MMP16: variants seen among roughly 807,000 people sequenced by gnomAD.
The protein encoded by MMP16 is matrix metallopeptidase 16.
In MMP16, 12 loss-of-function variants were observed where a neutral mutation model predicts 67.8. The observed-to-expected ratio is 0.18, with a 90% CI of 0.11 to 0.29. The LOEUF (loss-of-function observed/expected upper bound fraction) is 0.29, where lower values mean the gene tolerates loss of function less well. Ranked by LOEUF, MMP16 falls within the 10% of genes least tolerant of loss-of-function variation. MMP16 has a pLI of 1.00. For synonymous variants in MMP16, 249 were observed against 255.9 expected (o/e 0.97, Z 0.26); for missense variants, 475 against 765.7 (o/e 0.62, Z 4.48).
rs1299585852 is a variant in MMP16 at position 88,035,839 on chromosome 8, A to G, written c.*5622T>C. 6.6e-6 allele frequency: 1 copy of G among 151,992 alleles called. No homozygotes were observed. Among genetic ancestry groups the G allele is most frequent in the Non-Finnish European group, 1.5e-5 (1 of 67,894 alleles). 9.4% of individuals were successfully genotyped at this position (151,992 alleles called of 1,614,324 possible). On this transcript the variant is annotated 3_prime_UTR_variant, in exon 10 of 10. Coordinates refer to ENST00000286614, the MANE Select transcript of MMP16 (RefSeq NM_005941.5). The surrounding 1 kb of genome is among the most constrained non-coding windows in gnomAD (Gnocchi z 4.7). ...CTTAGGCTTTCTATACTATTGGTTT[A>G]ACTTTCAAAGTAGACATACGTATAA...
At chr8:88,288,512 A>G (rs1810869624) in intron 1 of MMP16, among the ~76,000 whole-genome samples, 1 of 152,194 alleles carries the variant, frequency 6.6e-6, no homozygotes, top group Admixed American at 6.5e-5. Flanking sequence ...TATATGATCT[A>G]TCATTCCCTA....
intron 4 of MMP16, among the ~76,000 whole-genome samples, chr8:88,158,545 A>C (rs1159900859): frequency 2.0e-5 from 3 of 152,104 alleles, no homozygotes; most frequent in Non-Finnish European, 4.4e-5. Context: ...GTTTGAGTTC[A>C]TTGTAGATTC....
intron 1 of MMP16, among the ~76,000 whole-genome samples, chr8:88,286,824 G>GCCT (rs989010412): frequency 6.6e-6 from 1 of 152,102 alleles, no homozygotes; most frequent in African/African-American, 2.4e-5. Context: ...GCCCACCTCA[G>GCCT]CCTCCCAAAG....
At chr8:88,116,857 G>T in intron 5 of MMP16, 139 bp from the exon 6 acceptor site, 2 of 744,438 alleles carry the variant, frequency 2.7e-6, no homozygotes, top group Non-Finnish European at 2.1e-6. Flanking sequence ...TATATTTTCT[G>T]AAAAAAACAA....
chr8:88,274,512 A>AC (rs1563580798), intron 1 of MMP16, among the ~76,000 whole-genome samples: 1 of 152,084 alleles, frequency 6.6e-6, no homozygotes, highest in Admixed American at 6.5e-5. Context: ...CTCAGGTACT[A>AC]CAATTAAATG....
At chr8:88,223,885 A>G (rs1809726974) in intron 1 of MMP16, among the ~76,000 whole-genome samples, 1 of 151,966 alleles carries the variant, frequency 6.6e-6, no homozygotes, top group Non-Finnish European at 1.5e-5. Flanking sequence ...ATTGATATGG[A>G]CCTGAAAAGT....
intron 4 of MMP16, among the ~76,000 whole-genome samples, chr8:88,125,438 A>T (rs538403840): frequency 1.3e-5 from 2 of 152,040 alleles, no homozygotes; most frequent in Admixed American, 6.6e-5. Context: ...GTCTTCCAAA[A>T]TCAGAAAAAG....
At chr8:88,249,938 T>C (rs538205657) in intron 1 of MMP16, among the ~76,000 whole-genome samples, 30 of 152,252 alleles carry the variant, frequency 2.0e-4, no homozygotes, top group Admixed American at 3.9e-4. Context: ...ACAAGAATTT[T>C]ATGTAATGTT....
At chr8:88,191,713 A>C (rs964940204) in intron 2 of MMP16, among the ~76,000 whole-genome samples, 3 of 152,208 alleles carry the variant, frequency 2.0e-5, no homozygotes, top group African/African-American at 7.2e-5. Context: ...GCTTCAGTAA[A>C]ATATATTTTT....
At chr8:88,147,843 C>A (rs1445857675) in intron 4 of MMP16, among the ~76,000 whole-genome samples, 2 of 151,524 alleles carry the variant, frequency 1.3e-5, no homozygotes, top group Non-Finnish European at 2.9e-5. Flanking sequence ...TATTGAGCTT[C>A]CTCTATATGT....
intron 1 of MMP16, among the ~76,000 whole-genome samples, chr8:88,260,928 C>T (rs1369321030): frequency 1.3e-5 from 2 of 152,054 alleles, no homozygotes; most frequent in Non-Finnish European, 2.9e-5. Flanking sequence ...TTATACATGG[C>T]TTCTAATATA....
intron 1 of MMP16, among the ~76,000 whole-genome samples, chr8:88,228,356 C>T (rs1368250735): frequency 6.6e-6 from 1 of 151,984 alleles, no homozygotes; most frequent in Non-Finnish European, 1.5e-5. Flanking sequence ...AAAATAACTG[C>T]AGAACGATTA....
At position 88,034,492 on chromosome 8, in the gene MMP16, T is replaced by C. The variant is rs1808029393; in HGVS notation, c.*6969A>G. 1 of 152,396 alleles carries C rather than the reference T, an allele frequency of 6.6e-6. No individual in the cohort carries two copies. Among genetic ancestry groups the C allele is most frequent in the South Asian group, 2.1e-4 (1 of 4,832 alleles). The allele number at this position is 152,396 out of a possible 1,614,324, so 9.4% of individuals were successfully genotyped here. A position where few individuals can be genotyped will look rare whatever the true frequency, so the allele number is the denominator to read the frequency against. The stretch of plus-strand genomic sequence containing the variant: ...TACTTATGAACATATAAAGGAATAA[T>C]TGATTCCACATCAGCTGTAAAAGAA... On this transcript the variant is annotated 3_prime_UTR_variant, in exon 10 of 10. Coordinates refer to ENST00000286614, the MANE Select transcript of MMP16 (RefSeq NM_005941.5).
chr8:88,167,557 A>AT, intron 4 of MMP16, 112 bp downstream of exon 4: 1 of 1,081,370 alleles, frequency 9.2e-7, no homozygotes, highest in East Asian at 2.6e-5. Flanking sequence ...TTGCTTTGGA[A>AT]TTTTAAAAGT....
chr8:88,295,539 A>C (rs1214404494), intron 1 of MMP16, among the ~76,000 whole-genome samples: 8 of 152,332 alleles, frequency 5.3e-5, no homozygotes, highest in African/African-American at 1.7e-4. Flanking sequence ...TTTATACTAC[A>C]GAGGCTGTAT....
chr8:88,136,566 G>C (rs925778895), intron 4 of MMP16, among the ~76,000 whole-genome samples: 1 of 151,230 alleles, frequency 6.6e-6, no homozygotes, highest in African/African-American at 2.4e-5. Flanking sequence ...GGTTATCAGA[G>C]CCTGATAACC....
chr8:88,183,194 T>C (rs1011737253), intron 3 of MMP16, among the ~76,000 whole-genome samples: 1 of 152,178 alleles, frequency 6.6e-6, no homozygotes. Context: ...GTGTAAACTA[T>C]CAACTTAAGT....
At chr8:88,170,775 C>T (rs1808787448) in intron 3 of MMP16, among the ~76,000 whole-genome samples, 1 of 152,168 alleles carries the variant, frequency 6.6e-6, no homozygotes, top group African/African-American at 2.4e-5. Context: ...GAACGCCAAA[C>T]AAACATGGCC....
intron 1 of MMP16, among the ~76,000 whole-genome samples, chr8:88,204,051 A>G (rs1809387638): frequency 6.6e-6 from 1 of 152,200 alleles, no homozygotes; most frequent in African/African-American, 2.4e-5. Context: ...ATGACATTAC[A>G]CTCAGAAAGA....
Sources: allele counts gnomAD v4.1 joint callset (sites outside exome capture counted in the v4.1 genomes callset), GRCh38; gene constraint gnomAD v4.1.1; non-coding constraint Gnocchi (gnomAD v3.1); transcripts MANE v1.5; gene names NCBI Gene and HGNC (gene_info 2026-07-23, HGNC 2026-07-21).